Variants in HSPBAP1 observed in about 807,000 individuals in gnomAD.
HSPBAP1 encodes HSPB1-associated protein 1.
HSPBAP1 carries 27 observed loss-of-function variants against 45.2 expected under a neutral mutation model. The ratio of observed to expected loss-of-function variants is 0.60; its 90% CI spans 0.44 to 0.82. The LOEUF (loss-of-function observed/expected upper bound fraction) is 0.82. Ranked by LOEUF, HSPBAP1 falls within the 40% of genes least tolerant of loss-of-function variation. HSPBAP1 has a pLI of 0.00. For missense variants in HSPBAP1, 510 were observed against 590.9 expected (o/e 0.86, Z 1.42); for synonymous variants, 204 against 202.7 (o/e 1.01, Z -0.06).
intron 6 of HSPBAP1, among the ~76,000 whole-genome samples, chr3:122,749,385 A>G (rs968015707): frequency 7.2e-5 from 11 of 152,162 alleles, no homozygotes; most frequent in Admixed American, 5.2e-4. Flanking sequence ...AAAATTGAAA[A>G]CAAACTGAAA....
At position 122,740,354 on chromosome 3, in the gene HSPBAP1, T is replaced by G; in HGVS notation, c.1458A>C (p.Arg486Ser). Residue 486 changes from arginine (R) to serine (S), a missense_variant, in exon 8 of 8, where the codon AGA becomes AGC. Transcript: ENST00000306103. ...TCATCTTCCACTTGAATCATAAACT[T>G]CTTCCTTGTATCAAAAGTTGTGCCA... ...RIVAQLLIQG[R>S]SL The G allele has an allele frequency of 6.3e-7, 1 of 1,597,064 alleles. No individual in the cohort carries two copies. Among genetic ancestry groups the G allele is most frequent in the Non-Finnish European group, 8.6e-7 (1 of 1,167,630 alleles).
At chr3:122,793,038 T>C (rs1935884923) in intron 1 of HSPBAP1, among the ~76,000 whole-genome samples, 1 of 152,196 alleles carries the variant, frequency 6.6e-6, no homozygotes, top group Non-Finnish European at 1.5e-5. Context: ...AGTCATTCTT[T>C]TTCCTTTCTA....
intron 1 of HSPBAP1, among the ~76,000 whole-genome samples, chr3:122,788,342 A>C (rs1935718160): frequency 6.6e-6 from 1 of 152,122 alleles, no homozygotes; most frequent in Non-Finnish European, 1.5e-5. Context: ...TCAAATACTA[A>C]AGGTTTTTGC....
At chr3:122,762,708 TTTAATTCTG>T (rs1934640834) in intron 3 of HSPBAP1, among the ~76,000 whole-genome samples, 1 of 152,236 alleles carries the variant, frequency 6.6e-6, no homozygotes, top group Non-Finnish European at 1.5e-5. Flanking sequence ...GAATTTTTAA[TTTAATTCTG>T]TTGTGGTGAG....
intron 1 of HSPBAP1, among the ~76,000 whole-genome samples, chr3:122,781,455 T>C (rs897571989): frequency 2.7e-5 from 4 of 149,410 alleles, no homozygotes; most frequent in East Asian, 2.1e-4. Context: ...CTCGGCAGGC[T>C]GAGGCAGGAG....
Position 122,740,789 on chromosome 3 carries a change from T to C in HSPBAP1, c.1023A>G (p.Val341=). The C allele has an allele frequency of 1.2e-6, 2 of 1,614,106 alleles. No individual in the cohort carries two copies. Among genetic ancestry groups the C allele is most frequent in the Non-Finnish European group, 1.7e-6 (2 of 1,180,026 alleles). ...AFFDRCRTSE[V]VEIQALRTDG... ...CTGTTCTCAGTGCTTGGATTTCTAC[T>C]ACCTCAGATGTTCTGCAGCGATCAA... The change falls in exon 8 of 8, where the codon GTA becomes GTG. Residue 341 remains valine (V), a synonymous_variant. Coordinates refer to ENST00000306103, the MANE Select transcript of HSPBAP1 (RefSeq NM_024610.6).
At chr3:122,789,864 C>CTTTTT (rs368711372) in intron 1 of HSPBAP1, among the ~76,000 whole-genome samples, 16 of 137,172 alleles carry the variant, frequency 1.2e-4, no homozygotes, top group African/African-American at 4.1e-4. Flanking sequence ...GCCAAAGCTT[C>CTTTTT]TTTTTTTTTT....
intron 7 of HSPBAP1, 34 bp downstream of exon 7, chr3:122,740,969 C>T (rs1431844165): frequency 1.9e-6 from 3 of 1,607,306 alleles, no homozygotes; most frequent in Admixed American, 3.3e-5. Flanking sequence ...CCACAGGAAA[C>T]TAACTGCCAT....
intron 1 of HSPBAP1, among the ~76,000 whole-genome samples, chr3:122,790,926 G>A (rs964277124): frequency 2.0e-5 from 3 of 152,094 alleles, no homozygotes; most frequent in Admixed American, 6.6e-5. Context: ...TTTATTTAAT[G>A]TATTTATTTT....
chr3:122,789,638 A>C (rs965054171), intron 1 of HSPBAP1, among the ~76,000 whole-genome samples: 3 of 152,210 alleles, frequency 2.0e-5, no homozygotes, highest in African/African-American at 4.8e-5. Context: ...TGTTTCTTTC[A>C]AATAACTGTA....
chr3:122,746,458 T>C (rs183545901), intron 6 of HSPBAP1, among the ~76,000 whole-genome samples: 45 of 149,112 alleles, frequency 3.0e-4, no homozygotes, highest in African/African-American at 1.0e-3. Flanking sequence ...GAAAGACCAA[T>C]GGACAAAATA....
intron 6 of HSPBAP1, among the ~76,000 whole-genome samples, chr3:122,747,030 T>C (rs913737628): frequency 2.6e-5 from 4 of 152,140 alleles, no homozygotes; most frequent in African/African-American, 9.7e-5. Flanking sequence ...CCGCCTGCCT[T>C]GGCCTCCCAA....
At chr3:122,790,493 C>G (rs1031354987) in intron 1 of HSPBAP1, among the ~76,000 whole-genome samples, 7 of 152,188 alleles carry the variant, frequency 4.6e-5, no homozygotes, top group Non-Finnish European at 1.0e-4. Context: ...TATTGAGTAT[C>G]ATATCCCAGC....
At chr3:122,765,956 G>A (rs981535325) in intron 3 of HSPBAP1, among the ~76,000 whole-genome samples, 10 of 152,126 alleles carry the variant, frequency 6.6e-5, no homozygotes, top group African/African-American at 2.4e-4. Context: ...ATCTGAAAAG[G>A]CTGTTATTAA....
intron 6 of HSPBAP1, among the ~76,000 whole-genome samples, chr3:122,746,181 A>G (rs575773698): frequency 1.2e-4 from 18 of 152,326 alleles, no homozygotes; most frequent in African/African-American, 4.3e-4. Context: ...CTGTAAAAAC[A>G]AAAACAAACA....
At chr3:122,767,756 TAAA>T (rs1466062552) in intron 3 of HSPBAP1, among the ~76,000 whole-genome samples, 1 of 151,850 alleles carries the variant, frequency 6.6e-6, no homozygotes, top group Non-Finnish European at 1.5e-5. Context: ...TGACTCAACA[TAAA>T]AAAGAAAAAT....
intron 3 of HSPBAP1, among the ~76,000 whole-genome samples, chr3:122,767,509 A>G (rs1380492426): frequency 6.6e-6 from 1 of 152,066 alleles, no homozygotes; most frequent in Non-Finnish European, 1.5e-5. Context: ...AGGGAGTCGT[A>G]ATTGCGCCAC....
At chr3:122,785,858 T>C (rs961099315) in intron 1 of HSPBAP1, among the ~76,000 whole-genome samples, 5 of 152,084 alleles carry the variant, frequency 3.3e-5, no homozygotes, top group South Asian at 4.1e-4. Context: ...GATAGATAGA[T>C]AGATAGATAG....
chr3:122,750,553 A>ATCTAATCT (rs56143835), intron 6 of HSPBAP1, among the ~76,000 whole-genome samples: 2 of 86,410 alleles, frequency 2.3e-5, no homozygotes, highest in Non-Finnish European at 5.5e-5. Context: ...CTATCTATCT[A>ATCTAATCT]ATCTATCTAT....
Sources: gnomAD v4.1 joint callset for allele counts (sites outside exome capture counted in the v4.1 genomes callset) on GRCh38, gnomAD v4.1.1 for gene constraint, MANE v1.5 for transcripts, NCBI Gene and HGNC (gene_info 2026-07-23, HGNC 2026-07-21) for gene names.